TEAD4: variants seen among roughly 807,000 people sequenced by gnomAD.
TEAD4 encodes TEA domain transcription factor 4, also known as transcriptional enhancer factor TEF-3.
Under a neutral mutation model 52.4 loss-of-function variants are expected in TEAD4, and 36 were observed. The ratio of observed to expected loss-of-function variants is 0.69; its 90% CI spans 0.53 to 0.91. The LOEUF is 0.91. Ranked by LOEUF, TEAD4 falls within the 40% of genes least tolerant of loss-of-function variation. TEAD4 has a pLI of 0.00. For missense variants in TEAD4, 508 were observed against 583.9 expected (o/e 0.87, Z 1.34); for synonymous variants, 220 against 231.0 (o/e 0.95, Z 0.43).
intron 5 of TEAD4, among the ~76,000 whole-genome samples, chr12:3,012,580 C>A (rs926637047): frequency 3.0e-4 from 45 of 152,176 alleles, no homozygotes; most frequent in African/African-American, 8.9e-4. Context: ...TGCGGAGTGG[C>A]AGGGGCATGG....
At chr12:3,034,687 C>A (rs571735574) in intron 10 of TEAD4, among the ~76,000 whole-genome samples, 412 of 152,328 alleles carry the variant, frequency 2.7e-3, no homozygotes, top group African/African-American at 9.4e-3. Context: ...AATCCCCCCA[C>A]TTTGGGAAGC....
At chr12:3,018,466 G>T in intron 6 of TEAD4, 79 bp from the exon 7 acceptor site, 1 of 1,568,692 alleles carries the variant, frequency 6.4e-7, no homozygotes, top group Non-Finnish European at 8.8e-7. Flanking sequence ...GGCCCTGCCC[G>T]GTCCTACCCC....
intron 11 of TEAD4, 108 bp from the exon 12 acceptor site, chr12:3,039,997 CTT>C (rs2098281705): frequency 6.8e-6 from 10 of 1,474,480 alleles, no homozygotes; most frequent in Non-Finnish European, 9.2e-6. Flanking sequence ...GGGGGTGACT[CTT>C]TTCTTAAGGG....
chr12:2,999,199 C>T (rs567670818), intron 3 of TEAD4, among the ~76,000 whole-genome samples: 1 of 152,278 alleles, frequency 6.6e-6, no homozygotes, highest in African/African-American at 2.4e-5. Context: ...TCTCATCTTC[C>T]CTTGGGGCAT....
intron 2 of TEAD4, among the ~76,000 whole-genome samples, chr12:2,965,031 A>AG (rs1271983108): frequency 6.6e-6 from 1 of 152,168 alleles, no homozygotes; most frequent in Non-Finnish European, 1.5e-5. Flanking sequence ...AGGACCTGGA[A>AG]GGAGGGTAGG....
intron 3 of TEAD4, among the ~76,000 whole-genome samples, chr12:2,998,162 C>T (rs1208429359): frequency 6.6e-6 from 1 of 152,158 alleles, no homozygotes; most frequent in Non-Finnish European, 1.5e-5. Flanking sequence ...TGTATTATAA[C>T]CTAGGTCAGA....
At chr12:2,991,668 A>C (rs1428424423) in intron 2 of TEAD4, among the ~76,000 whole-genome samples, 2 of 151,898 alleles carry the variant, frequency 1.3e-5, no homozygotes, top group East Asian at 1.9e-4. Flanking sequence ...TCCCCCCACA[A>C]AAAAAAAGAA....
At chr12:2,996,802 G>A (rs2079803) in intron 3 of TEAD4, among the ~76,000 whole-genome samples, 89,404 of 152,032 alleles carry the variant, frequency 0.59, 31,519 homozygotes, top group East Asian at 0.77. Flanking sequence ...TGCAGCCTCC[G>A]CCCCGTGGGT....
chr12:2,975,269 G>T (rs1298184201), intron 2 of TEAD4, among the ~76,000 whole-genome samples: 1 of 151,042 alleles, frequency 6.6e-6, no homozygotes, highest in Non-Finnish European at 1.5e-5. Flanking sequence ...TTCTTGCCCC[G>T]CCCCCAGTCA....
Position 2,991,931 on chromosome 12 carries a change from G to C in TEAD4, c.-29-2807G>C, listed in dbSNP as rs530543888. On this transcript the variant is annotated intron_variant, in intron 2 of 12. Coordinates refer to ENST00000359864, the MANE Select transcript of TEAD4 (RefSeq NM_003213.4). ...CTGCGCGACCTTGGGCGTGTCCTTA[G>C]GCCTCTGGGCCTCAGTGCCCTTTTC... 7.2e-4 allele frequency among the ~76,000 whole-genome samples: 109 copies of C among 151,880 alleles called. No homozygotes were observed. In the Middle Eastern group the frequency reaches 0.01, roughly 14 times the overall value.
intron 10 of TEAD4, among the ~76,000 whole-genome samples, chr12:3,030,955 C>T (rs770810841): frequency 1.3e-5 from 2 of 152,132 alleles, no homozygotes; most frequent in African/African-American, 2.4e-5. Flanking sequence ...ACTCTGGCAC[C>T]CAGACTGGAA....
intron 2 of TEAD4, among the ~76,000 whole-genome samples, chr12:2,972,417 G>A (rs922927511): frequency 2.0e-5 from 3 of 150,910 alleles, no homozygotes; most frequent in Middle Eastern, 3.4e-3. Context: ...TTTGAGCTAG[G>A]CCCTCTGGGC....
At chr12:3,026,211 T>C (rs914538174) in intron 10 of TEAD4, among the ~76,000 whole-genome samples, 1 of 152,262 alleles carries the variant, frequency 6.6e-6, no homozygotes, top group African/African-American at 2.4e-5. Context: ...CTTTATTTTC[T>C]TGGACTTATC....
intron 2 of TEAD4, among the ~76,000 whole-genome samples, chr12:2,993,236 T>G (rs551646655): frequency 1.3e-5 from 2 of 152,290 alleles, no homozygotes; most frequent in Non-Finnish European, 2.9e-5. Context: ...AAACCGAAAC[T>G]CTGTACCTGT....
chr12:3,013,652 T>G (rs895361871), intron 5 of TEAD4, among the ~76,000 whole-genome samples: 1 of 152,262 alleles, frequency 6.6e-6, no homozygotes, highest in Admixed American at 6.5e-5. Flanking sequence ...GAGAATCACT[T>G]GAACCTGGGA....
Position 3,017,458 on chromosome 12 carries a change from A to G in TEAD4, c.415A>G (p.Ile139Val). The G allele has an allele frequency of 6.2e-7, 1 of 1,614,122 alleles. No individual in the cohort carries two copies. The highest frequency in any genetic ancestry group is 8.5e-7 in the Non-Finnish European group (1 of 1,180,014). Residue 139 changes from isoleucine to valine, a missense_variant, in exon 6 of 13, where the codon ATC (isoleucine) becomes GTC (valine). Transcript: ENST00000359864. ...GGCTGCCATGTCGTCTGCACAGATC[A>G]TCTCCGCCACGGCCTTCCACAGTAG...
chr12:3,035,418 C>G (rs892461858), intron 10 of TEAD4, among the ~76,000 whole-genome samples: 2 of 152,218 alleles, frequency 1.3e-5, no homozygotes, highest in African/African-American at 4.8e-5. Flanking sequence ...CATTTTTGCC[C>G]TGTGCTTCCA....
At chr12:3,002,367 G>A (rs535301361) in intron 3 of TEAD4, among the ~76,000 whole-genome samples, 37 of 152,308 alleles carry the variant, frequency 2.4e-4, no homozygotes, top group African/African-American at 7.9e-4. Flanking sequence ...TTCAGTTCTT[G>A]TGGGATTGGA....
chr12:3,017,552 G>A, intron 6 of TEAD4, 26 bp downstream of exon 6: 3 of 1,601,464 alleles, frequency 1.9e-6, no homozygotes, highest in South Asian at 1.1e-5. Flanking sequence ...AGAGCTGGAG[G>A]CCAGGCCAGC....
Sources: gnomAD v4.1 joint callset for allele counts (sites outside exome capture counted in the v4.1 genomes callset) on GRCh38, gnomAD v4.1.1 for gene constraint, MANE v1.5 for transcripts, NCBI Gene and HGNC (gene_info 2026-07-23, HGNC 2026-07-21) for gene names.